The following LRRD1 variants were observed in gnomAD, a reference collection of about 807,000 sequenced individuals.
LRRD1 encodes leucine rich repeats and death domain containing 1.
LRRD1 carries 49 observed loss-of-function variants against 69.5 expected under a neutral mutation model. The observed-to-expected ratio is 0.70, with a 90% CI of 0.56 to 0.89. LRRD1 has a LOEUF of 0.89. Ranked by LOEUF, LRRD1 falls within the 40% of genes least tolerant of loss-of-function variation. The pLI is 0.00. For synonymous variants in LRRD1, 303 were observed against 338.9 expected, an observed-to-expected ratio of 0.89 and a Z score of 1.16; for missense variants, 853 against 956.0, an observed-to-expected ratio of 0.89 and a Z score of 1.42.
chr7:92,142,483 C>T (rs1475213165), downstream of LRRD1: 6 of 456,606 alleles, frequency 1.3e-5, no homozygotes, highest in Non-Finnish European at 2.6e-5. Flanking sequence ...AGTGCATCTT[C>T]CATAGTAGCT....
chr7:92,178,961 G>C (rs1789257661), intron 1 of LRRD1, 46 bp downstream of exon 1: 1 of 152,274 alleles, frequency 6.6e-6, no homozygotes, highest in Non-Finnish European at 1.5e-5. Context: ...GAGAATCTGG[G>C]CGTGGCTTAC....
intron 3 of LRRD1, 30 bp from the exon 4 acceptor site, chr7:92,150,725 A>C: frequency 6.9e-7 from 1 of 1,444,408 alleles, no homozygotes; most frequent in Non-Finnish European, 9.4e-7. Flanking sequence ...ATTGAATTAC[A>C]TCTTTCTATA....
rs775758721 is a variant in LRRD1 at position 92,164,484 on chromosome 7, A to C, written c.719T>G (p.Phe240Cys). 1.3e-6 allele frequency: 2 copies of C among 1,550,140 alleles called. No individual in the cohort carries two copies. Among genetic ancestry groups the C allele is most frequent in the Non-Finnish European group, 1.7e-6 (2 of 1,146,266 alleles). The change falls in exon 2 of 6, where the codon TTT becomes TGT. Residue 240 changes from phenylalanine (F) to cysteine (C), a missense_variant. By Grantham distance (205) the Phe-to-Cys change is radical. Around this residue, in one of 3 missense-constraint regions of LRRD1, gnomAD observed 739 missense variants for 808.0 expected, o/e 0.91. Coordinates refer to ENST00000458448, the MANE Select transcript of LRRD1 (RefSeq NM_001161528.2). ...ATTTTCAATGTAATTGTTATAAAAA[A>C]AGAGTTGTCTGATATTCCCAAGCTG... ...ISQLGNIRQLFFYNNYIENFP... is the reference protein window; with the variant it reads ...ISQLGNIRQLCFYNNYIENFP...
Position 92,159,049 on chromosome 7 carries a change from G to A in LRRD1, c.2072C>T (p.Pro691Leu). ...CAGATCATTTAAAGATAGCAAAGAT[G>A]GTGGAAGATAACTTATTTGATTATT... ...AYNNQISYLP[P>L]SLLSLNDLQQ... is the part of the protein sequence containing the mutation. Residue 691 changes from proline (P) to leucine (L), a missense_variant, in exon 3 of 6, where the codon CCA becomes CTA. This residue lies in a region of LRRD1 where 739 missense variants were observed against 808.0 expected (regional missense o/e 0.91). Transcript: ENST00000458448. The A allele has an allele frequency of 6.5e-7, 1 of 1,545,772 alleles. No individual in the cohort carries two copies. The highest frequency in any genetic ancestry group is 2.5e-5 in the East Asian group (1 of 40,510).
intron 1 of LRRD1, among the ~76,000 whole-genome samples, chr7:92,178,396 C>T (rs903458995): frequency 6.6e-6 from 1 of 151,984 alleles, no homozygotes; most frequent in Non-Finnish European, 1.5e-5. Flanking sequence ...CATGGCTGGG[C>T]GCGGTGGTTC....
intron 3 of LRRD1, among the ~76,000 whole-genome samples, chr7:92,152,444 C>T (rs977878818): frequency 2.0e-5 from 3 of 152,016 alleles, no homozygotes; most frequent in African/African-American, 7.2e-5. Flanking sequence ...GGAAGCTTCT[C>T]TATACATTTG....
At chr7:92,175,385 T>C (rs926789405) in intron 1 of LRRD1, among the ~76,000 whole-genome samples, 2 of 152,076 alleles carry the variant, frequency 1.3e-5, no homozygotes, top group African/African-American at 4.8e-5. Context: ...TGGTGGCTCA[T>C]GCCTGCAATC....
chr7:92,167,573 G>A (rs1245505570), intron 1 of LRRD1, among the ~76,000 whole-genome samples: 3 of 151,714 alleles, frequency 2.0e-5, no homozygotes, highest in Admixed American at 1.3e-4. Context: ...TTCATCTGGG[G>A]TAGTTAAGAA....
chr7:92,159,905 G>C (rs1334460390), intron 2 of LRRD1, among the ~76,000 whole-genome samples: 1 of 152,156 alleles, frequency 6.6e-6, no homozygotes, highest in African/African-American at 2.4e-5. Flanking sequence ...AAGGGCATGA[G>C]CTACCTCACC....
intron 3 of LRRD1, among the ~76,000 whole-genome samples, chr7:92,156,500 G>T (rs1281299719): frequency 1.3e-5 from 2 of 152,130 alleles, no homozygotes; most frequent in Non-Finnish European, 2.9e-5. Context: ...ACAGTTTTCA[G>T]CATATAGATC....
chr7:92,145,223 C>G (rs1372450815), intron 5 of LRRD1, 149 bp from the exon 6 acceptor site: 1 of 381,672 alleles, frequency 2.6e-6, no homozygotes, highest in East Asian at 4.9e-5. Context: ...CCAATTTTAT[C>G]AGACTGAAGT....
intron 1 of LRRD1, among the ~76,000 whole-genome samples, chr7:92,169,854 G>A (rs1789010266): frequency 6.6e-6 from 1 of 151,800 alleles, no homozygotes; most frequent in Admixed American, 6.6e-5. Flanking sequence ...AGGATTGCTT[G>A]AGGCCAGGAG....
chr7:92,163,698 A>T lies in LRRD1; in HGVS notation c.1505T>A (p.Ile502Lys). The T allele has an allele frequency of 6.7e-7, 1 of 1,500,078 alleles. No homozygotes were observed. The allele number at this position is 1,500,078 out of a possible 1,614,324, so 92.9% of individuals were successfully genotyped here. ...TTTACTGAAAGATATATCCACAGGT[A>T]TTTCTGAAATATAATTTCCATTAAC... ...LSVNGNYISE[I>K]PVDISFSKQL... The change falls in exon 2 of 6, where the codon ATA becomes AAA. Residue 502 changes from isoleucine (I) to lysine (K), a missense_variant. Ile to Lys is a moderately radical substitution (Grantham distance 102, BLOSUM62 -3). Around this residue, in one of 3 missense-constraint regions of LRRD1, gnomAD observed 739 missense variants for 808.0 expected, o/e 0.91. Transcript: ENST00000458448.
rs1422424930 is a variant in LRRD1 at position 92,164,386 on chromosome 7, G to GTA, written c.815_816dup (p.Pro273TyrfsTer8). ...GTTTTTAAACTAGGCAGAGTATCTG[G>GTA]TATATGTCTTAACTTATTTTTACCC... On this transcript the variant is annotated frameshift_variant, in exon 2 of 6. Transcript: ENST00000458448. LOFTEE classifies it high-confidence loss of function. The GTA allele has an allele frequency of 9.7e-6, 15 of 1,548,986 alleles. No homozygotes were observed. The East Asian group carries it at 3.4e-4, about 35-fold the overall frequency.
At chr7:92,153,223 C>T (rs946166551) in intron 3 of LRRD1, among the ~76,000 whole-genome samples, 2 of 151,956 alleles carry the variant, frequency 1.3e-5, no homozygotes, top group African/African-American at 4.8e-5. Context: ...AGCCACCATG[C>T]CCAGCTAATT....
chr7:92,151,577 C>T (rs1479195631), intron 3 of LRRD1, among the ~76,000 whole-genome samples: 2 of 152,178 alleles, frequency 1.3e-5, no homozygotes, highest in Non-Finnish European at 2.9e-5. Flanking sequence ...TAAATCTAGG[C>T]TACCCTCAAG....
chr7:92,142,549 C>T (rs570490902), downstream of LRRD1: 4 of 456,192 alleles, frequency 8.8e-6, no homozygotes, highest in East Asian at 6.9e-5. Context: ...AAATTGTGTC[C>T]GGAATTGGTG....
rs745377945 is a variant in LRRD1, at chr7:92,163,026, A to ATT, written c.1917+259_1917+260insAA. Among the ~76,000 whole-genome samples, 4 of 152,366 alleles carry ATT rather than the reference A, an allele frequency of 2.6e-5. No individual in the cohort carries two copies. In the South Asian group the frequency reaches 8.3e-4, roughly 32 times the overall value. On this transcript the variant is annotated intron_variant, in intron 2 of 5. Transcript: ENST00000458448. ...AAACTCCTTTTACAATTACACCAAA[A>ATT]TAAAAAGGAATCTATAGAATTGTCA...
intron 1 of LRRD1, among the ~76,000 whole-genome samples, chr7:92,177,588 T>G (rs1045161236): frequency 1.3e-5 from 2 of 152,188 alleles, no homozygotes; most frequent in Non-Finnish European, 2.9e-5. Flanking sequence ...TCTGGGCTCT[T>G]ACTTTCAAGG....
Sources: allele counts gnomAD v4.1 joint callset (sites outside exome capture counted in the v4.1 genomes callset), GRCh38; gene constraint gnomAD v4.1.1; regional missense constraint gnomAD v4.1.1; transcripts MANE v1.5; gene names NCBI Gene and HGNC (gene_info 2026-07-23, HGNC 2026-07-21).